Variants in SLIT3 observed in about 807,000 individuals in gnomAD.
The protein encoded by SLIT3 is slit guidance ligand 3, also known as slit homolog 3 protein.
In SLIT3, 68 loss-of-function variants were observed where a neutral mutation model predicts 184.0. The observed-to-expected ratio is 0.37, with a 90% CI of 0.30 to 0.45. The LOEUF (loss-of-function observed/expected upper bound fraction) is 0.45. Among genes scored for constraint, SLIT3 ranks in the 20% least tolerant of loss-of-function variants. The probability of loss-of-function intolerance (pLI) is 1.00; values close to 1 mark genes in which losing one functional copy is unlikely to be tolerated. For missense variants in SLIT3, 1,707 were observed against 2,026.0 expected (o/e 0.84, Z 3.02); for synonymous variants, 831 against 828.6 (o/e 1.00, Z -0.05).
intron 4 of SLIT3, among the ~76,000 whole-genome samples, chr5:169,089,110 C>T (rs959829274): frequency 6.9e-6 from 1 of 144,816 alleles, no homozygotes; most frequent in Non-Finnish European, 1.5e-5. Flanking sequence ...TGTTTCATAC[C>T]GATGTGCCTA....
intron 16 of SLIT3, among the ~76,000 whole-genome samples, chr5:168,755,410 TTTC>T (rs1561913384): frequency 2.0e-4 from 5 of 25,034 alleles, no homozygotes; most frequent in African/African-American, 6.5e-4. Context: ...TCTTTCTTTC[TTTC>T]TTTCTTTCTT....
chr5:168,708,175 T>C lies in SLIT3; in HGVS notation c.2720-75A>G. 1.9e-6 allele frequency: 3 copies of C among 1,603,336 alleles called. No individual in the cohort carries two copies. In the South Asian group the frequency reaches 3.3e-5, roughly 18 times the overall value. ...GCCATACCTCCCTTCCCCTCTGCTC[T>C]GGGCCCTCCCTCAGCCAGCGCCAGC... On this transcript the variant is annotated intron_variant, in intron 25 of 35. Transcript: ENST00000519560.
chr5:169,179,686 A>ATATG (rs1491297321), intron 4 of SLIT3, among the ~76,000 whole-genome samples: 1 of 147,812 alleles, frequency 6.8e-6, no homozygotes, highest in Non-Finnish European at 1.5e-5. Context: ...GTGCATGAGC[A>ATATG]TATGTGTGTG....
At chr5:168,971,716 C>T (rs61081668) in intron 4 of SLIT3, among the ~76,000 whole-genome samples, 1,635 of 152,284 alleles carry the variant, frequency 0.011, 27 homozygotes, top group African/African-American at 0.034. Flanking sequence ...GCAAGTAAGC[C>T]GAAAACCAGA....
At chr5:169,219,828 A>G (rs779496475) in intron 3 of SLIT3, among the ~76,000 whole-genome samples, 4 of 152,230 alleles carry the variant, frequency 2.6e-5, no homozygotes, top group Non-Finnish European at 5.9e-5. Flanking sequence ...ACAAAGGAAC[A>G]TGATCATAGC....
intron 14 of SLIT3, among the ~76,000 whole-genome samples, chr5:168,770,611 C>A (rs1168302761): frequency 2.6e-5 from 4 of 152,056 alleles, no homozygotes; most frequent in Admixed American, 2.6e-4. Flanking sequence ...CTCATGCTAG[C>A]TCCAAACATC....
intron 31 of SLIT3, among the ~76,000 whole-genome samples, chr5:168,684,460 G>A (rs1481802188): frequency 1.3e-5 from 2 of 152,148 alleles, no homozygotes; most frequent in Non-Finnish European, 2.9e-5. Flanking sequence ...GTATAAAGAA[G>A]AATAATAAGT....
chr5:169,136,185 G>C (rs1469055433), intron 4 of SLIT3, among the ~76,000 whole-genome samples: 1 of 152,186 alleles, frequency 6.6e-6, no homozygotes, highest in Admixed American at 6.5e-5. Flanking sequence ...TCCAGATCAG[G>C]CCTCAGAAAT....
chr5:168,676,192 TCCTTCATCTAC>T (rs1258622637), intron 32 of SLIT3, among the ~76,000 whole-genome samples: 7 of 147,040 alleles, frequency 4.8e-5, no homozygotes, highest in African/African-American at 1.8e-4. Flanking sequence ...CATCCATCCA[TCCTTCATCTAC>T]CCTTCATCCG....
rs527692474 is a variant in SLIT3, at chr5:169,040,158, T to G, written c.413+153321A>C. ...CCACATCCAGGGTTTCATTCAACTT[T>G]TGGGACAGAGTATATCAAGGCATGT... On this transcript the variant is annotated intron_variant, in intron 4 of 35. Transcript: ENST00000519560. Among the ~76,000 whole-genome samples, 8 of 152,334 alleles carry G rather than the reference T, an allele frequency of 5.3e-5. No homozygotes were observed. The South Asian group carries it at 1.7e-3, about 32-fold the overall frequency.
At chr5:168,983,074 AG>A (rs1446902781) in intron 4 of SLIT3, among the ~76,000 whole-genome samples, 1 of 152,220 alleles carries the variant, frequency 6.6e-6, no homozygotes, top group Admixed American at 6.5e-5. Context: ...AAAGGCAAGA[AG>A]GGGTCATACT....
intron 6 of SLIT3, among the ~76,000 whole-genome samples, chr5:168,836,828 T>C (rs1423982042): frequency 6.6e-6 from 1 of 152,112 alleles, no homozygotes; most frequent in Non-Finnish European, 1.5e-5. Context: ...TGTACACCAA[T>C]ACATTTTCAA....
At chr5:169,299,950 G>A (rs546902190) in intron 1 of SLIT3, among the ~76,000 whole-genome samples, 3 of 152,178 alleles carry the variant, frequency 2.0e-5, no homozygotes, top group African/African-American at 7.2e-5. Flanking sequence ...CAGGCAGAGC[G>A]GGTTTTGCGA....
At chr5:168,839,377 G>A (rs1341520601) in intron 6 of SLIT3, among the ~76,000 whole-genome samples, 2 of 152,122 alleles carry the variant, frequency 1.3e-5, no homozygotes, top group Admixed American at 6.5e-5. Context: ...AATTGGTAGG[G>A]GTCAGTGGCA....
Position 168,772,854 on chromosome 5 carries a change from G to C in SLIT3, c.1386C>G (p.Ala462=), listed in dbSNP as rs776161113. The part of the protein sequence containing the change: ...LQDNPIETSG[A]RCSSPRRLAN... ...CGAGTCGGCGCGGGCTGCTGCAGCG[G>C]GCCCCGCTTGTCTCGATGGGGTTGT... Residue 462 remains alanine, a synonymous_variant, in exon 14 of 36, where the codon GCC becomes GCG. Coordinates refer to ENST00000519560, the MANE Select transcript of SLIT3 (RefSeq NM_003062.4). 6.2e-7 allele frequency: 1 copy of C among 1,614,042 alleles called. No homozygotes were observed. The highest frequency in any genetic ancestry group is 8.5e-7 in the Non-Finnish European group (1 of 1,180,052).
At chr5:168,839,402 T>C (rs978821081) in intron 6 of SLIT3, among the ~76,000 whole-genome samples, 11 of 152,198 alleles carry the variant, frequency 7.2e-5, no homozygotes, top group African/African-American at 2.4e-4. Flanking sequence ...GGGGTCTACA[T>C]GCCCCGTCCA....
chr5:169,272,827 C>T (rs1443290021), intron 1 of SLIT3, among the ~76,000 whole-genome samples: 1 of 152,170 alleles, frequency 6.6e-6, no homozygotes, highest in African/African-American at 2.4e-5. Context: ...ATCCTCTGGG[C>T]CCCCGGGACC....
At chr5:168,823,863 T>C (rs1757615642) in intron 6 of SLIT3, among the ~76,000 whole-genome samples, 1 of 152,222 alleles carries the variant, frequency 6.6e-6, no homozygotes, top group Non-Finnish European at 1.5e-5. Context: ...TCCTTGATAC[T>C]CCCATTGCAT....
chr5:168,765,397 C>G (rs1309180885), intron 14 of SLIT3, among the ~76,000 whole-genome samples: 1 of 152,082 alleles, frequency 6.6e-6, no homozygotes, highest in Non-Finnish European at 1.5e-5. Flanking sequence ...TGTTATTGCC[C>G]TGGTTTGTAA....
Sources: allele counts gnomAD v4.1 joint callset (sites outside exome capture counted in the v4.1 genomes callset), GRCh38; gene constraint gnomAD v4.1.1; transcripts MANE v1.5; gene names NCBI Gene and HGNC (gene_info 2026-07-23, HGNC 2026-07-21).